MAST4: variants seen among roughly 807,000 people sequenced by gnomAD.
MAST4 encodes microtubule-associated serine/threonine-protein kinase 4.
MAST4 carries 89 observed loss-of-function variants against 162.7 expected under a neutral mutation model. That is an observed-to-expected ratio of 0.55 (90% confidence interval 0.46 to 0.65). The LOEUF is 0.65. Ranked by LOEUF, MAST4 falls within the 30% of genes least tolerant of loss-of-function variation. The probability of loss-of-function intolerance (pLI) is 0.00; values close to 1 mark genes in which losing one functional copy is unlikely to be tolerated. For missense variants in MAST4, 3,153 were observed against 3,374.0 expected (o/e 0.93, Z 1.62); for synonymous variants, 1,479 against 1,361.1 (o/e 1.09, Z -1.91).
intron 6 of MAST4, among the ~76,000 whole-genome samples, chr5:67,095,024 T>C (rs542746412): frequency 5.3e-5 from 8 of 152,296 alleles, no homozygotes; most frequent in African/African-American, 1.7e-4. Context: ...CTTAAGAGAT[T>C]CTAAGCATAA....
intron 4 of MAST4, among the ~76,000 whole-genome samples, chr5:66,953,622 C>CGAGAAGAAATGTGGCATGAG (rs1744949056): frequency 1.3e-5 from 2 of 152,026 alleles, no homozygotes; most frequent in African/African-American, 4.8e-5. Flanking sequence ...TAATATTCCC[C>CGAGAAGAAATGTGGCATGAG]GAGAAGAAAT....
chr5:66,797,182 T>G (rs746270076), intron 3 of MAST4, among the ~76,000 whole-genome samples: 25 of 152,208 alleles, frequency 1.6e-4, no homozygotes, highest in Non-Finnish European at 3.7e-4. Flanking sequence ...TTGACGTGTT[T>G]GCTATCTTAT....
chr5:66,826,115 T>C (rs1757242018), intron 3 of MAST4, among the ~76,000 whole-genome samples: 1 of 152,166 alleles, frequency 6.6e-6, no homozygotes, highest in Non-Finnish European at 1.5e-5. Context: ...TATTGCTTGA[T>C]GTTATTTTTC....
At chr5:66,911,568 CCCCCCCCG>C (rs1763771876) in intron 4 of MAST4, among the ~76,000 whole-genome samples, 3 of 81,738 alleles carry the variant, frequency 3.7e-5, no homozygotes, top group African/African-American at 1.4e-4. Context: ...ACCCCCCCCC[CCCCCCCCG>C]CAAAAAAAAA....
At chr5:66,754,939 C>T (rs1753435277) in intron 1 of MAST4, among the ~76,000 whole-genome samples, 2 of 152,192 alleles carry the variant, frequency 1.3e-5, no homozygotes, top group East Asian at 3.9e-4. Flanking sequence ...AATGTAAGGT[C>T]CTGGGTGGGA....
At chr5:67,051,343 G>T (rs1390674529) in intron 4 of MAST4, among the ~76,000 whole-genome samples, 2 of 152,070 alleles carry the variant, frequency 1.3e-5, no homozygotes, top group Admixed American at 1.3e-4. Context: ...TGACGTGCAG[G>T]TGCCATAAAC....
chr5:67,058,641 A>G (rs1046284821), intron 5 of MAST4, among the ~76,000 whole-genome samples: 4 of 152,232 alleles, frequency 2.6e-5, no homozygotes, highest in African/African-American at 9.6e-5. Flanking sequence ...GATACACAAG[A>G]TACATTGTTA....
At chr5:66,855,624 G>C (rs548339707) in intron 3 of MAST4, among the ~76,000 whole-genome samples, 1 of 152,238 alleles carries the variant, frequency 6.6e-6, no homozygotes, top group Non-Finnish European at 1.5e-5. Context: ...AGGGTGCTGT[G>C]ATGGGCAACG....
rs1421526443 is a variant in MAST4 at position 66,850,945 on chromosome 5, TGAAGAAAAAAA to T, written c.643-49005_643-48995del. ...ATTTTAAGCCTTTTTTTTTTTTTTT[TGAAGAAAAAAA>T]TGCATACATTTGAGAAATGTGTTCT... On this transcript the variant is annotated intron_variant, in intron 3 of 28. Transcript: ENST00000403625. Among the ~76,000 whole-genome samples the T allele has an allele frequency of 1.6e-4, 21 of 132,130 alleles. No homozygotes were observed. The East Asian group carries it at 1.8e-3, about 11-fold the overall frequency. 86.7% of individuals were successfully genotyped at this position (132,130 alleles called of 152,430 possible). A position where few individuals can be genotyped will look rare whatever the true frequency, so the allele number is the denominator to read the frequency against.
intron 21 of MAST4, 63 bp downstream of exon 21, chr5:67,142,596 G>A (rs952485758): frequency 9.0e-7 from 1 of 1,105,954 alleles, no homozygotes; most frequent in Non-Finnish European, 1.3e-6. Flanking sequence ...TGGCCAGATA[G>A]TATCCCCGAA....
intron 3 of MAST4, among the ~76,000 whole-genome samples, chr5:66,860,609 G>GTTT (rs138772390): frequency 1.4e-5 from 2 of 146,228 alleles, no homozygotes; most frequent in African/African-American, 5.0e-5. Flanking sequence ...CACCTTTTTC[G>GTTT]TTTTTTTTTT....
intron 2 of MAST4, among the ~76,000 whole-genome samples, chr5:66,771,041 G>A (rs561341454): frequency 9.2e-5 from 14 of 152,218 alleles, no homozygotes; most frequent in East Asian, 3.9e-4. Flanking sequence ...CCTTTGGCTC[G>A]GTGTGTTAAA....
chr5:67,131,753 A>T lies in MAST4; in HGVS notation c.1955-60A>T. On this transcript the variant is annotated intron_variant, in intron 15 of 28. Transcript: ENST00000403625. ...TTCACCTTGAAATTCTGCAGTCTAA[A>T]CTGATTTTCTACATTAAGCCTTCAT... 5 of 1,570,876 alleles carry T rather than the reference A, an allele frequency of 3.2e-6. No homozygotes were observed. The Middle Eastern group carries it at 9.1e-4, about 287-fold the overall frequency.
At position 67,166,641 on chromosome 5, in the gene MAST4, G is replaced by T; in HGVS notation, c.7462G>T (p.Ala2488Ser). The T allele has an allele frequency of 6.2e-7, 1 of 1,600,404 alleles. No homozygotes were observed. The highest frequency in any genetic ancestry group is 8.5e-7 in the Non-Finnish European group (1 of 1,173,712). The change falls in exon 29 of 29, where the codon GCC becomes TCC. Residue 2488 changes from alanine to serine, a missense_variant. This residue lies in a region of MAST4 where 1,644 missense variants were observed against 1,495.0 expected (regional missense o/e 1.10). Coordinates refer to ENST00000403625, the MANE Select transcript of MAST4 (RefSeq NM_001164664.2). ...CAGCGACACCTCTTCTGCCAAGGCC[G>T]CCGGGGGCATGCTGGAGCTTCCAGC... is the stretch of plus-strand genomic sequence containing the variant. ...ASSDTSSAKA[A>S]GGMLELPAPS... is the part of the protein sequence containing the mutation.
chr5:66,992,212 T>C (rs1015748879), intron 4 of MAST4, among the ~76,000 whole-genome samples: 1 of 152,234 alleles, frequency 6.6e-6, no homozygotes, highest in Non-Finnish European at 1.5e-5. Context: ...ATTACCATGC[T>C]GCTATATAAT....
At position 67,166,461 on chromosome 5, in the gene MAST4, C is replaced by G; in HGVS notation, c.7282C>G (p.Pro2428Ala). 1 of 1,602,128 alleles carries G rather than the reference C, an allele frequency of 6.2e-7. No homozygotes were observed. The highest frequency in any genetic ancestry group is 1.3e-5 in the African/African-American group (1 of 74,802). Residue 2428 changes from proline (P) to alanine (A), a missense_variant, in exon 29 of 29, where the codon CCG becomes GCG. Pro to Ala is a conservative substitution (Grantham distance 27). This residue lies in a region of MAST4 where 1,644 missense variants were observed against 1,495.0 expected (regional missense o/e 1.10). Coordinates refer to ENST00000403625, the MANE Select transcript of MAST4 (RefSeq NM_001164664.2). ...GAAAGGGCCCGGTCCCCAGAAGCCA[C>G]CGACGGAGGCAGACAAGCCCAATGG... Reference protein sequence around the residue: ...RGKGPGPQKPPTEADKPNGMK... With the variant: ...RGKGPGPQKPATEADKPNGMK...
At chr5:66,667,770 T>A (rs1343146938) in intron 1 of MAST4, among the ~76,000 whole-genome samples, 1 of 149,446 alleles carries the variant, frequency 6.7e-6, no homozygotes, top group Non-Finnish European at 1.5e-5. Context: ...CTGCTAATAG[T>A]ATCTCCAACA....
intron 4 of MAST4, among the ~76,000 whole-genome samples, chr5:66,919,180 A>G (rs1764316698): frequency 6.6e-6 from 1 of 152,020 alleles, no homozygotes; most frequent in Non-Finnish European, 1.5e-5. Flanking sequence ...TATAATTCAC[A>G]TAAATTGATA....
intron 4 of MAST4, among the ~76,000 whole-genome samples, chr5:66,936,833 A>G (rs1742801387): frequency 6.6e-6 from 1 of 152,248 alleles, no homozygotes; most frequent in African/African-American, 2.4e-5. Flanking sequence ...AAATGACTTC[A>G]AATTATAAAT....
Sources: gnomAD v4.1 joint callset for allele counts (sites outside exome capture counted in the v4.1 genomes callset) on GRCh38, gnomAD v4.1.1 for gene constraint, gnomAD v4.1.1 regional missense constraint, MANE v1.5 for transcripts, NCBI Gene and HGNC (gene_info 2026-07-23, HGNC 2026-07-21) for gene names.